Variants in GSE1 observed in about 807,000 individuals in gnomAD.
The protein encoded by GSE1 is genetic suppressor element 1.
Under a neutral mutation model 112.6 loss-of-function variants are expected in GSE1, and 32 were observed. The ratio of observed to expected loss-of-function variants is 0.28; its 90% CI spans 0.21 to 0.38. The LOEUF (loss-of-function observed/expected upper bound fraction) is 0.38. Among genes scored for constraint, GSE1 ranks in the 10% least tolerant of loss-of-function variants. The pLI is 1.00. For missense variants in GSE1, 2,348 were observed against 1,699.2 expected, an observed-to-expected ratio of 1.38 and a Z score of -6.71; for synonymous variants, 1,115 against 735.6, an observed-to-expected ratio of 1.52 and a Z score of -8.35.
chr16:85,533,866 AAAAT>A (rs2044226462), intron 2 of GSE1, among the ~76,000 whole-genome samples: 1 of 152,168 alleles, frequency 6.6e-6, no homozygotes, highest in African/African-American at 2.4e-5. Flanking sequence ...CCCTGTCTTA[AAAAT>A]AAATAAAATA....
rs1428109768 is a variant in GSE1, at chr16:85,412,697, G to A, written c.2464+55054G>A. Among the ~76,000 whole-genome samples the A allele has an allele frequency of 4.5e-5, 2 of 44,506 alleles. 1 individual carries two copies. The highest frequency in any genetic ancestry group is 2.1e-4 in the African/African-American group (2 of 9,644). The allele number at this position is 44,506 out of a possible 152,430, so 29.2% of individuals were successfully genotyped here. A position where few individuals can be genotyped will look rare whatever the true frequency, so the allele number is the denominator to read the frequency against. On this transcript the variant is annotated intron_variant, in intron 2 of 2. Transcript: ENST00000637419. ...GATAATCCTCACCGTTACACTCAGGGCACCTGGATAATCCTCACTGTTACT... is the reference window on the plus strand; with the variant it reads ...GATAATCCTCACCGTTACACTCAGGACACCTGGATAATCCTCACTGTTACT...
chr16:85,326,433 G>A (rs1262244348), intron 1 of GSE1, among the ~76,000 whole-genome samples: 3 of 152,200 alleles, frequency 2.0e-5, no homozygotes, highest in Admixed American at 6.5e-5. Flanking sequence ...ATTTTGAATG[G>A]TAATCCCCAC....
chr16:85,279,254 G>C (rs578040813), intron 1 of GSE1, among the ~76,000 whole-genome samples: 1 of 152,184 alleles, frequency 6.6e-6, no homozygotes, highest in Non-Finnish European at 1.5e-5. Context: ...TACTCTACGG[G>C]TTCTATTCTC....
chr16:85,665,843 A>C (rs2052805306), intron 12 of GSE1, 133 bp from the exon 13 acceptor site: 1 of 807,804 alleles, frequency 1.2e-6, no homozygotes, highest in Admixed American at 2.3e-5. Context: ...GGTTACTTAA[A>C]TGTTCCCCGG....
intron 1 of GSE1, among the ~76,000 whole-genome samples, chr16:85,244,669 G>C (rs960435997): frequency 2.6e-5 from 4 of 151,182 alleles, no homozygotes; most frequent in Non-Finnish European, 4.4e-5. Context: ...GGGCAACATA[G>C]TGAGACCCCA....
chr16:85,349,978 G>A (rs1428612461), intron 1 of GSE1, among the ~76,000 whole-genome samples: 1 of 152,232 alleles, frequency 6.6e-6, no homozygotes, highest in Non-Finnish European at 1.5e-5. Context: ...GCGGGGACTA[G>A]GTACTTGACA....
chr16:85,508,535 G>A (rs901364248), intron 2 of GSE1, among the ~76,000 whole-genome samples: 1 of 152,192 alleles, frequency 6.6e-6, no homozygotes, highest in African/African-American at 2.4e-5. Flanking sequence ...GTGAGAGGTG[G>A]TTGAGCTTCA....
intron 1 of GSE1, among the ~76,000 whole-genome samples, chr16:85,343,922 T>C (rs747294272): frequency 5.3e-5 from 8 of 152,214 alleles, no homozygotes; most frequent in Non-Finnish European, 1.2e-4. Flanking sequence ...CACTTGCTCC[T>C]TGCTCTTCCT....
intron 2 of GSE1, among the ~76,000 whole-genome samples, chr16:85,371,036 C>T (rs2047287854): frequency 6.6e-6 from 1 of 152,228 alleles, no homozygotes; most frequent in South Asian, 2.1e-4. Context: ...GCGCTCTCTT[C>T]TGGGGAGTTT....
At position 85,663,539 on chromosome 16, in the gene GSE1, A is replaced by G. The variant is rs1385026533; in HGVS notation, c.2569A>G (p.Ser857Gly). Residue 857 changes from serine (S) to glycine (G), a missense_variant, in exon 11 of 16, where the codon AGT (serine) becomes GGT (glycine). Ser to Gly is a moderately conservative substitution (Grantham distance 56, BLOSUM62 0). Transcript: ENST00000253458. Reference sequence around the variant, plus strand: ...CTACAGCCCTGATGAGATGAACAACAGTCCCAACTTCGAAGAAAAGAAGAA... The same window carrying G: ...CTACAGCCCTGATGAGATGAACAACGGTCCCAACTTCGAAGAAAAGAAGAA... Reference protein sequence around the residue: ...TRYSPDEMNNSPNFEEKKKFL... With the variant: ...TRYSPDEMNNGPNFEEKKKFL... 1.2e-6 allele frequency: 2 copies of G among 1,613,950 alleles called. No individual in the cohort carries two copies. The highest frequency in any genetic ancestry group is 1.7e-6 in the Non-Finnish European group (2 of 1,179,994).
At chr16:85,238,918 A>G (rs982548194) in intron 1 of GSE1, among the ~76,000 whole-genome samples, 1 of 151,992 alleles carries the variant, frequency 6.6e-6, no homozygotes, top group Non-Finnish European at 1.5e-5. Flanking sequence ...GGGCCTGGGG[A>G]GGACAGTGGC....
chr16:85,260,067 G>A (rs890972018), intron 1 of GSE1, among the ~76,000 whole-genome samples: 1 of 152,174 alleles, frequency 6.6e-6, no homozygotes, highest in Non-Finnish European at 1.5e-5. Context: ...GGGGGCTGGT[G>A]TCCCCGTGTG....
intron 2 of GSE1, among the ~76,000 whole-genome samples, chr16:85,462,355 C>T (rs549399711): frequency 1.3e-5 from 2 of 152,192 alleles, no homozygotes; most frequent in South Asian, 2.1e-4. Context: ...GGGCCCTCCA[C>T]CCTCCCTACC....
At chr16:85,246,446 C>CACCCCATGCTCTCT (rs1905800288) in intron 1 of GSE1, among the ~76,000 whole-genome samples, 6 of 76,918 alleles carry the variant, frequency 7.8e-5, no homozygotes, top group African/African-American at 3.4e-4. Context: ...CACACACACA[C>CACCCCATGCTCTCT]ACACACACAC....
intron 1 of GSE1, among the ~76,000 whole-genome samples, chr16:85,312,757 G>C (rs1394691255): frequency 1.3e-5 from 2 of 151,820 alleles, no homozygotes; most frequent in South Asian, 2.1e-4. Context: ...GGAGAAGGAG[G>C]GGGAGGAAGG....
intron 15 of GSE1, among the ~76,000 whole-genome samples, chr16:85,671,619 A>AG (rs35811043): frequency 2.6e-5 from 4 of 152,146 alleles, no homozygotes; most frequent in African/African-American, 9.7e-5. Flanking sequence ...TGTCTCCTGA[A>AG]GGGGTAAATT....
intron 1 of GSE1, among the ~76,000 whole-genome samples, chr16:85,205,175 G>C (rs565055949): frequency 6.6e-6 from 1 of 152,198 alleles, no homozygotes; most frequent in South Asian, 2.1e-4. Flanking sequence ...TGTCACCCAG[G>C]CTGGAGTACA....
intron 1 of GSE1, among the ~76,000 whole-genome samples, chr16:85,321,283 C>T (rs571980302): frequency 2.0e-5 from 3 of 152,262 alleles, no homozygotes; most frequent in South Asian, 2.1e-4. Context: ...GTAATGATTT[C>T]TTCAGCACAG....
At chr16:85,517,318 T>C (rs1457631191) in intron 2 of GSE1, among the ~76,000 whole-genome samples, 1 of 152,174 alleles carries the variant, frequency 6.6e-6, no homozygotes, top group African/African-American at 2.4e-5. Context: ...GTGTCCTTGG[T>C]CCTGCTGCTT....
Sources: gnomAD v4.1 joint callset for allele counts (sites outside exome capture counted in the v4.1 genomes callset) on GRCh38, gnomAD v4.1.1 for gene constraint, MANE v1.5 for transcripts, NCBI Gene and HGNC (gene_info 2026-07-23, HGNC 2026-07-21) for gene names.